The following MOB3A variants were observed in gnomAD, a reference collection of about 807,000 sequenced individuals.
MOB3A encodes MOB LAK.
MOB3A carries 17 observed loss-of-function variants against 17.8 expected under a neutral mutation model. That is an observed-to-expected ratio of 0.95 (90% CI 0.65 to 1.43). MOB3A has a LOEUF of 1.43. Among genes scored for constraint, MOB3A ranks in the 40% most tolerant of loss-of-function variants. The probability of loss-of-function intolerance (pLI) is 0.00; values close to 1 mark genes in which losing one functional copy is unlikely to be tolerated. For synonymous variants in MOB3A, 124 were observed against 133.2 expected (o/e 0.93, Z 0.48); for missense variants, 333 against 310.8 (o/e 1.07, Z -0.54).
intron 3 of MOB3A, 111 bp from the exon 4 acceptor site, chr19:2,077,124 G>A: frequency 1.1e-6 from 1 of 936,400 alleles, no homozygotes; most frequent in Non-Finnish European, 1.6e-6. Flanking sequence ...TGGCAGATCG[G>A]GCGCGGTGGC....
chr19:2,076,754 TG>T, intron 4 of MOB3A, 56 bp downstream of exon 4: 2 of 1,572,012 alleles, frequency 1.3e-6, no homozygotes, highest in South Asian at 2.2e-5. Flanking sequence ...AGGGTTCCTC[TG>T]CCACGGGCCA....
chr19:2,089,287 G>C (rs2017587089), intron 1 of MOB3A, among the ~76,000 whole-genome samples: 1 of 152,152 alleles, frequency 6.6e-6, no homozygotes, highest in Non-Finnish European at 1.5e-5. Flanking sequence ...CTCGCCTGAG[G>C]GTGGGAGGTA....
intron 1 of MOB3A, among the ~76,000 whole-genome samples, chr19:2,092,068 G>C (rs2017619645): frequency 6.8e-6 from 1 of 147,636 alleles, no homozygotes; most frequent in African/African-American, 2.5e-5. Context: ...GAACTATTGT[G>C]TCTGGAAGGA....
chr19:2,077,041 A>C (rs771832617), intron 3 of MOB3A, 28 bp from the exon 4 acceptor site: 2 of 1,594,916 alleles, frequency 1.3e-6, no homozygotes, highest in East Asian at 4.5e-5. Flanking sequence ...GGACGGGTCC[A>C]CGGACTCAGC....
intron 1 of MOB3A, among the ~76,000 whole-genome samples, chr19:2,087,220 T>G (rs1030468954): frequency 6.6e-6 from 1 of 152,236 alleles, no homozygotes; most frequent in Non-Finnish European, 1.5e-5. Context: ...CTTCTGTTTT[T>G]AGATTGACAT....
chr19:2,094,313 T>C (rs1253843499), intron 1 of MOB3A, among the ~76,000 whole-genome samples: 1 of 152,062 alleles, frequency 6.6e-6, no homozygotes, highest in African/African-American at 2.4e-5. Context: ...TCCCAAAGTG[T>C]TGGGATCACA....
Position 2,078,436 on chromosome 19 carries a change from C to G in MOB3A, c.125G>C (p.Gly42Ala). The change falls in exon 3 of 5, where the codon GGG (glycine) becomes GCG (alanine). Residue 42 changes from glycine to alanine, a missense_variant. Physicochemically the swap from Gly to Ala is moderately conservative, Grantham distance 60. Coordinates refer to ENST00000357066, the MANE Select transcript of MOB3A (RefSeq NM_130807.3). ...CTGCACGGCCAGCCGCAGGTCCAGC[C>G]CGGCGTTCAGCGACGCCTGCGCCTT... ...HKKAQASLNA[G>A]LDLRLAVQLP... 1 of 1,613,810 alleles carries G rather than the reference C, an allele frequency of 6.2e-7. No homozygotes were observed. Among genetic ancestry groups the G allele is most frequent in the Non-Finnish European group, 8.5e-7 (1 of 1,179,816 alleles).
rs372842064 is a variant in MOB3A, at chr19:2,089,077, G to A, written c.-273-3749C>T. On this transcript the variant is annotated intron_variant, in intron 1 of 4. Transcript: ENST00000357066. ...AACTAACCCTACAGGGGTTCATGCCGCAGCCCTGTGAGGCTGGCAGGGCAG... is the reference window on the plus strand; with the variant it reads ...AACTAACCCTACAGGGGTTCATGCCACAGCCCTGTGAGGCTGGCAGGGCAG... 3.9e-5 allele frequency among the ~76,000 whole-genome samples: 6 copies of A among 152,292 alleles called. No individual in the cohort carries two copies. In the East Asian group the frequency reaches 7.7e-4, roughly 20 times the overall value.
At chr19:2,092,858 G>T (rs1261704970) in intron 1 of MOB3A, among the ~76,000 whole-genome samples, 1 of 149,712 alleles carries the variant, frequency 6.7e-6, no homozygotes, top group Non-Finnish European at 1.5e-5. Context: ...GCTTTCTTTT[G>T]TGTGCAGCCA....
At chr19:2,084,467 C>T (rs2017527941) in intron 2 of MOB3A, among the ~76,000 whole-genome samples, 1 of 151,870 alleles carries the variant, frequency 6.6e-6, no homozygotes, top group African/African-American at 2.4e-5. Context: ...TGCACTCCAG[C>T]CCTGGTGACA....
In MOB3A at chr19:2,072,773, G is replaced by A. The variant is rs72981482; in HGVS notation, c.*622C>T. 17,267 of 152,170 alleles carry A rather than the reference G, an allele frequency of 0.11. 1,040 individuals are homozygous for A. The highest frequency in any genetic ancestry group is 0.16 in the Middle Eastern group (47 of 296). The allele number at this position is 152,170 out of a possible 1,614,324, so 9.4% of individuals were successfully genotyped here. The stretch of plus-strand genomic sequence containing the variant: ...AAAAAAAAAAAATCTGTAGAAAAAT[G>A]GAAGAGATTGGGGAGGGAGGAAAGA... On this transcript the variant is annotated 3_prime_UTR_variant, in exon 5 of 5. Coordinates refer to ENST00000357066, the MANE Select transcript of MOB3A (RefSeq NM_130807.3).
rs773260775 is a variant in MOB3A, at chr19:2,078,438, G to A, written c.123C>T (p.Ala41=). Reference sequence around the variant, plus strand: ...GCACGGCCAGCCGCAGGTCCAGCCCGGCGTTCAGCGACGCCTGCGCCTTCT... The same window carrying A: ...GCACGGCCAGCCGCAGGTCCAGCCCAGCGTTCAGCGACGCCTGCGCCTTCT... ...LHKKAQASLN[A]GLDLRLAVQL... Residue 41 remains alanine (A), a synonymous_variant, in exon 3 of 5, where the codon GCC becomes GCT. Coordinates refer to ENST00000357066, the MANE Select transcript of MOB3A (RefSeq NM_130807.3). The A allele has an allele frequency of 1.4e-5, 22 of 1,613,382 alleles. 1 individual carries two copies. Among genetic ancestry groups the A allele is most frequent in the Middle Eastern group, 1.6e-4 (1 of 6,082 alleles).
rs1331617966 is a variant in MOB3A at position 2,078,605 on chromosome 19, G to C, written c.-45C>G. ...CTGGACTTCTGTAGAGGGGTCCTGG[G>C]CCAGCTGGCTGGGGGTGCTGACCAA... On this transcript the variant is annotated 5_prime_UTR_variant, in exon 3 of 5. Coordinates refer to ENST00000357066, the MANE Select transcript of MOB3A (RefSeq NM_130807.3). 6.6e-7 allele frequency: 1 copy of C among 1,519,506 alleles called. No individual in the cohort carries two copies. The highest frequency in any genetic ancestry group is 1.4e-5 in the African/African-American group (1 of 71,912). 94.1% of individuals were successfully genotyped at this position (1,519,506 alleles called of 1,614,324 possible). A position where few individuals can be genotyped will look rare whatever the true frequency, so the allele number is the denominator to read the frequency against.
chr19:2,081,481 G>A (rs1209161124), intron 2 of MOB3A, among the ~76,000 whole-genome samples: 5 of 152,050 alleles, frequency 3.3e-5, no homozygotes, highest in Non-Finnish European at 5.9e-5. Flanking sequence ...CCAGCTACTC[G>A]GGAGGCTGAG....
At chr19:2,091,079 A>C (rs770147368) in intron 1 of MOB3A, among the ~76,000 whole-genome samples, 5 of 152,230 alleles carry the variant, frequency 3.3e-5, no homozygotes, top group Non-Finnish European at 7.3e-5. Flanking sequence ...AAAGGGAGGG[A>C]AACCTCCGTG....
At chr19:2,084,891 G>GT (rs1028628583) in intron 2 of MOB3A, among the ~76,000 whole-genome samples, 8 of 148,216 alleles carry the variant, frequency 5.4e-5, no homozygotes, top group Admixed American at 6.8e-5. Flanking sequence ...GCCCGGCCTA[G>GT]TTTTTTTTTT....
intron 1 of MOB3A, among the ~76,000 whole-genome samples, chr19:2,094,034 G>A (rs1401956668): frequency 6.9e-6 from 1 of 144,782 alleles, no homozygotes; most frequent in Non-Finnish European, 1.5e-5. Flanking sequence ...CCTTCCCTAT[G>A]TAAGTTCTTT....
rs753426918 is a variant in MOB3A, at chr19:2,078,354, A to C, written c.207T>G (p.Phe69Leu). The change falls in exon 3 of 5, where the codon TTT becomes TTG. Residue 69 changes from phenylalanine to leucine, a missense_variant. Phe to Leu is a conservative substitution (Grantham distance 22). Coordinates refer to ENST00000357066, the MANE Select transcript of MOB3A (RefSeq NM_130807.3). ...TGCCGTAGATGAGGTTGACGCGGTT[A>C]AAGAAGTCCACCACGTGAACAGCCA... Reference protein sequence around the residue: ...DWVAVHVVDFFNRVNLIYGTI... With the variant: ...DWVAVHVVDFLNRVNLIYGTI... The C allele has an allele frequency of 4.3e-6, 7 of 1,612,404 alleles. No individual in the cohort carries two copies. The highest frequency in any genetic ancestry group is 5.9e-6 in the Non-Finnish European group (7 of 1,178,934).
intron 2 of MOB3A, chr19:2,084,189 T>C (rs2017524558): frequency 6.3e-6 from 3 of 479,292 alleles, no homozygotes; most frequent in Admixed American, 2.2e-5. Context: ...GGCATGTCTG[T>C]CTCCTTTCAG....
Sources: allele counts gnomAD v4.1 joint callset (sites outside exome capture counted in the v4.1 genomes callset), GRCh38; gene constraint gnomAD v4.1.1; transcripts MANE v1.5; gene names NCBI Gene and HGNC (gene_info 2026-07-23, HGNC 2026-07-21).